MGA: variants seen among roughly 807,000 people sequenced by gnomAD.
MGA encodes MAX dimerization protein MGA, also known as MAX gene-associated protein.
A neutral mutation model predicts 261.1 loss-of-function variants in MGA; 40 were observed. The ratio of observed to expected loss-of-function variants is 0.15; its 90% confidence interval spans 0.12 to 0.20. The LOEUF (loss-of-function observed/expected upper bound fraction) is 0.20, where lower values mean the gene tolerates loss of function less well. MGA is among the 10% of genes least tolerant of loss of function. The probability of loss-of-function intolerance (pLI) is 1.00; values close to 1 mark genes in which losing one functional copy is unlikely to be tolerated. For missense variants in MGA, 3,397 were observed against 3,630.5 expected, an observed-to-expected ratio of 0.94 and a Z score of 1.65; for synonymous variants, 1,302 against 1,290.6, an observed-to-expected ratio of 1.01 and a Z score of -0.19.
rs1046548705 is a variant in MGA, at chr15:41,736,251, T to C, written c.3987T>C (p.Pro1329=). 3.7e-6 allele frequency: 6 copies of C among 1,614,014 alleles called. No individual in the cohort carries two copies. The East Asian group carries it at 1.1e-4, about 30-fold the overall frequency. The stretch of plus-strand genomic sequence containing the variant: ...CTTCTTATATGCATCAGAGGTCACC[T>C]GGTGGTCCCACCAAACTGATTGAGA... The change falls in exon 13 of 24, where the codon CCT becomes CCC. Residue 1329 remains proline (P), a synonymous_variant. Coordinates refer to ENST00000219905, the MANE Select transcript of MGA (RefSeq NM_001164273.2).
intron 1 of MGA, among the ~76,000 whole-genome samples, chr15:41,640,737 T>C (rs1232521460): frequency 1.3e-5 from 2 of 152,220 alleles, no homozygotes; most frequent in Admixed American, 6.5e-5. Flanking sequence ...TAGGCTGGTC[T>C]CAAACTCCTG....
At chr15:41,665,786 T>G (rs1231918890) in intron 1 of MGA, among the ~76,000 whole-genome samples, 1 of 152,220 alleles carries the variant, frequency 6.6e-6, no homozygotes, top group African/African-American at 2.4e-5. Context: ...CAGTTACCCC[T>G]TCCCCTGAAA....
intron 5 of MGA, among the ~76,000 whole-genome samples, chr15:41,702,266 T>G (rs372353343): frequency 2.0e-5 from 3 of 149,786 alleles, no homozygotes; most frequent in African/African-American, 7.4e-5. Flanking sequence ...GAGCTTGCAG[T>G]GAGCCGAGAT....
At position 41,736,512 on chromosome 15, in the gene MGA, T is replaced by G. The variant is rs2061784892; in HGVS notation, c.4248T>G (p.Thr1416=). The G allele has an allele frequency of 6.2e-7, 1 of 1,613,870 alleles. No homozygotes were observed. The highest frequency in any genetic ancestry group is 1.1e-5 in the South Asian group (1 of 91,084). Residue 1416 remains threonine, a synonymous_variant, in exon 13 of 24, where the codon ACT becomes ACG. Coordinates refer to ENST00000219905, the MANE Select transcript of MGA (RefSeq NM_001164273.2). ...TGGCTGAGAAATCTGGATCAGAGAC[T>G]CCTGATGGTCCATTGTCCCCTGGGA...
intron 2 of MGA, chr15:41,691,618 G>A (rs2059289603): frequency 1.9e-6 from 1 of 516,628 alleles, no homozygotes; most frequent in African/African-American, 1.9e-5. Context: ...GAGCTGAGGA[G>A]TATTTTTATG....
At chr15:41,630,835 C>T (rs1028979029) in intron 1 of MGA, among the ~76,000 whole-genome samples, 1 of 152,156 alleles carries the variant, frequency 6.6e-6, no homozygotes, top group Non-Finnish European at 1.5e-5. Flanking sequence ...CCAGTAGAAT[C>T]AGCAGTACTC....
intron 9 of MGA, among the ~76,000 whole-genome samples, chr15:41,715,149 T>C (rs1366517511): frequency 2.0e-5 from 3 of 149,162 alleles, no homozygotes; most frequent in South Asian, 2.1e-4. Context: ...TTTTTTTTTT[T>C]TTTCTTTTTT....
At chr15:41,687,512 G>GA (rs1394050564) in intron 2 of MGA, among the ~76,000 whole-genome samples, 2 of 151,970 alleles carry the variant, frequency 1.3e-5, no homozygotes, top group African/African-American at 2.4e-5. Flanking sequence ...GCCCTTTACA[G>GA]AAAAAAATGA....
At chr15:41,759,114 T>A (rs926618438) in intron 19 of MGA, among the ~76,000 whole-genome samples, 11 of 152,086 alleles carry the variant, frequency 7.2e-5, no homozygotes, top group Non-Finnish European at 1.3e-4. Context: ...CAAGATAGAT[T>A]GTTTATTGTT....
At position 41,736,225 on chromosome 15, in the gene MGA, A is replaced by C; in HGVS notation, c.3961A>C (p.Thr1321Pro). ...CTGCAATGAAGGAGAATCCTCTTCT[A>C]CTTCTTATATGCATCAGAGGTCACC... Residue 1321 changes from threonine (T) to proline (P), a missense_variant, in exon 13 of 24, where the codon ACT (threonine) becomes CCT (proline). Thr to Pro is a conservative substitution (Grantham distance 38, BLOSUM62 -1). Coordinates refer to ENST00000219905, the MANE Select transcript of MGA (RefSeq NM_001164273.2). 1 of 1,608,590 alleles carries C rather than the reference A, an allele frequency of 6.2e-7. No individual in the cohort carries two copies.
intron 19 of MGA, among the ~76,000 whole-genome samples, chr15:41,758,630 C>A (rs931823608): frequency 6.6e-6 from 1 of 151,854 alleles, no homozygotes; most frequent in Non-Finnish European, 1.5e-5. Flanking sequence ...TGTTTTGTAC[C>A]CAAATAATTA....
intron 6 of MGA, 116 bp downstream of exon 6, chr15:41,707,975 CTT>C: frequency 7.2e-7 from 1 of 1,391,680 alleles, no homozygotes; most frequent in South Asian, 1.4e-5. Context: ...TAAGATAGAT[CTT>C]TTGTCTGTTG....
intron 2 of MGA, among the ~76,000 whole-genome samples, chr15:41,686,078 A>T (rs920339050): frequency 6.6e-6 from 1 of 151,976 alleles, no homozygotes; most frequent in Admixed American, 6.6e-5. Flanking sequence ...GAGTTTTACT[A>T]ATTTATAGAG....
intron 15 of MGA, 79 bp downstream of exon 15, chr15:41,743,251 G>A: frequency 7.1e-7 from 1 of 1,406,810 alleles, no homozygotes; most frequent in East Asian, 2.5e-5. Context: ...TAGGATTATA[G>A]ATATATCAGG....
chr15:41,745,909 A>G (rs2062437639), intron 15 of MGA, among the ~76,000 whole-genome samples: 1 of 152,206 alleles, frequency 6.6e-6, no homozygotes, highest in African/African-American at 2.4e-5. Flanking sequence ...TCCTGCCAGG[A>G]AACACTAACA....
At position 41,695,230 on chromosome 15, in the gene MGA, G is replaced by A. The variant is rs577790736; in HGVS notation, c.1065-845G>A. Among the ~76,000 whole-genome samples the A allele has an allele frequency of 8.7e-5, 13 of 149,010 alleles. No individual in the cohort carries two copies. The South Asian group carries it at 2.3e-3, about 27-fold the overall frequency. ...TTTTGACACAGGGTCTTGCTCTGTC[G>A]CCAGGCTGGAGGCAGTGGCACAATC... is the stretch of plus-strand genomic sequence containing the variant. On this transcript the variant is annotated intron_variant, in intron 2 of 23. Transcript: ENST00000219905.
At position 41,765,047 on chromosome 15, in the gene MGA, G is replaced by T. The variant is rs1358115067; in HGVS notation, c.7906G>T (p.Ala2636Ser). ...TCTTAAGCCTCAAGTTGCCGGTAGTGCTGTGGCTCTACCAGGTATGTTGTA... is the reference window on the plus strand; with the variant it reads ...TCTTAAGCCTCAAGTTGCCGGTAGTTCTGTGGCTCTACCAGGTATGTTGTA... The change falls in exon 23 of 24, where the codon GCT becomes TCT. Residue 2636 changes from alanine (A) to serine (S), a missense_variant. Coordinates refer to ENST00000219905, the MANE Select transcript of MGA (RefSeq NM_001164273.2). 6.2e-7 allele frequency: 1 copy of T among 1,613,892 alleles called. No homozygotes were observed. The highest frequency in any genetic ancestry group is 8.5e-7 in the Non-Finnish European group (1 of 1,179,884).
intron 5 of MGA, among the ~76,000 whole-genome samples, chr15:41,705,536 A>G (rs1329954625): frequency 6.6e-6 from 1 of 151,906 alleles, no homozygotes; most frequent in Non-Finnish European, 1.5e-5. Flanking sequence ...TAATTTTTAA[A>G]TTTTTTGTAG....
At chr15:41,718,488 T>C (rs2151570988) in intron 9 of MGA, 2 of 675,648 alleles carry the variant, frequency 3.0e-6, no homozygotes, top group South Asian at 3.9e-5. Context: ...CACAGCTTTC[T>C]GATCAATCTT....
Sources: gnomAD v4.1 joint callset for allele counts (sites outside exome capture counted in the v4.1 genomes callset) on GRCh38, gnomAD v4.1.1 for gene constraint, MANE v1.5 for transcripts, NCBI Gene and HGNC (gene_info 2026-07-23, HGNC 2026-07-21) for gene names.